Variants in TMEM273 observed in about 807,000 individuals in gnomAD.
TMEM273 encodes chromosome 10 open reading frame 128.
In TMEM273, 19 loss-of-function variants were observed where a neutral mutation model predicts 17.9. The observed-to-expected ratio is 1.06, with a 90% CI of 0.74 to 1.55. The LOEUF (loss-of-function observed/expected upper bound fraction) is 1.55. TMEM273 is among the 40% of genes most tolerant of loss of function. The probability of loss-of-function intolerance (pLI) is 0.00; values close to 1 mark genes in which losing one functional copy is unlikely to be tolerated. For missense variants in TMEM273, 194 were observed against 155.6 expected (o/e 1.25, Z -1.31); for synonymous variants, 66 against 62.0 (o/e 1.07, Z -0.31).
intron 1 of TMEM273, among the ~76,000 whole-genome samples, chr10:49,184,818 C>T (rs1218613744): frequency 6.6e-6 from 1 of 152,156 alleles, no homozygotes; most frequent in Non-Finnish European, 1.5e-5. Flanking sequence ...GAAGCCTCAG[C>T]CATCAGGCTG....
intron 1 of TMEM273, among the ~76,000 whole-genome samples, chr10:49,186,068 G>GAAGAA (rs1554850042): frequency 2.8e-3 from 187 of 67,172 alleles, no homozygotes; most frequent in African/African-American, 8.5e-3. Flanking sequence ...AAGAAGAAGA[G>GAAGAA]GAAGAAGAAG....
chr10:49,163,304 T>TGAGAGA lies in TMEM273; in HGVS notation c.349-1683_349-1682insTCTCTC, dbSNP rs528200016. On this transcript the variant is annotated intron_variant, in intron 5 of 6. Transcript: ENST00000374153. ...GAATATGTGCATGTGTGTGTGTGTG[T>TGAGAGA]GTGAGAGAGAGAGAGAGAGAGAGAG... 6.9e-3 allele frequency among the ~76,000 whole-genome samples: 1,035 copies of TGAGAGA among 150,236 alleles called. 13 individuals are homozygous for TGAGAGA. The highest frequency in any genetic ancestry group is 0.024 in the African/African-American group (972 of 40,566).
At chr10:49,159,246 G>A (rs755793147) in intron 6 of TMEM273, among the ~76,000 whole-genome samples, 10 of 152,090 alleles carry the variant, frequency 6.6e-5, no homozygotes, top group Non-Finnish European at 1.3e-4. Context: ...TAAAACAAGT[G>A]TTTCTGACTC....
At chr10:49,178,994 C>T (rs1847174976) in intron 1 of TMEM273, among the ~76,000 whole-genome samples, 2 of 152,194 alleles carry the variant, frequency 1.3e-5, no homozygotes, top group African/African-American at 4.8e-5. Flanking sequence ...GATAACATGG[C>T]CAAAGAGTTT....
chr10:49,161,390 T>G (rs1434540839), intron 6 of TMEM273: 9 of 626,510 alleles, frequency 1.4e-5, no homozygotes, highest in Non-Finnish European at 2.0e-5. Context: ...CACAGCTTCA[T>G]GTTAAATCTT....
At position 49,172,882 on chromosome 10, in the gene TMEM273, C is replaced by T. The variant is rs114694638; in HGVS notation, c.44-4920G>A. 3.4e-3 allele frequency among the ~76,000 whole-genome samples: 515 copies of T among 152,346 alleles called. 7 individuals carry two copies. The highest frequency in any genetic ancestry group is 0.012 in the African/African-American group (495 of 41,576). ...GCCAAGCACACCAGGAGGCACTCCA[C>T]GTGACTCCCACAGGGCTGGCTCCTG... On this transcript the variant is annotated intron_variant, in intron 1 of 6. Transcript: ENST00000374153.
At chr10:49,165,488 G>T in intron 4 of TMEM273, 2 of 1,442,780 alleles carry the variant, frequency 1.4e-6, no homozygotes, top group Non-Finnish European at 1.8e-6. Context: ...ATGCACTGAA[G>T]GGGTCTGAGT....
chr10:49,173,354 G>A (rs901972833), intron 1 of TMEM273, among the ~76,000 whole-genome samples: 1 of 152,226 alleles, frequency 6.6e-6, no homozygotes, highest in East Asian at 1.9e-4. Flanking sequence ...GGAGATAGGA[G>A]CAGAGAAGGC....
At chr10:49,185,389 G>T (rs1465100252) in intron 1 of TMEM273, among the ~76,000 whole-genome samples, 1 of 151,984 alleles carries the variant, frequency 6.6e-6, no homozygotes, top group Admixed American at 6.5e-5. Flanking sequence ...GACAGAGAGT[G>T]CCCCCATAGC....
rs544155134 is a variant in TMEM273 at position 49,185,770 on chromosome 10, G to A, written c.43+2524C>T. ...GAGGTGGGCGGAACACCTGAGGTCA[G>A]GAGTTCAAGACCAGCTTGGCCAACA... is the stretch of plus-strand genomic sequence containing the variant. On this transcript the variant is annotated intron_variant, in intron 1 of 6. Transcript: ENST00000374153. Among the ~76,000 whole-genome samples, 10 of 152,146 alleles carry A rather than the reference G, an allele frequency of 6.6e-5. No individual in the cohort carries two copies. The East Asian group carries it at 1.7e-3, about 27-fold the overall frequency.
intron 1 of TMEM273, 60 bp downstream of exon 1, chr10:49,188,234 C>T (rs1847841849): frequency 1.9e-6 from 3 of 1,590,310 alleles, no homozygotes; most frequent in Admixed American, 3.3e-5. Context: ...GCTAAGGCTC[C>T]CCCAGTTTCC....
intron 1 of TMEM273, among the ~76,000 whole-genome samples, chr10:49,186,068 G>GGAAGAGGAAGAAGAAGAAGAAGAAGAA (rs1847668268): frequency 1.5e-5 from 1 of 67,088 alleles, no homozygotes; most frequent in African/African-American, 5.1e-5. Flanking sequence ...AAGAAGAAGA[G>GGAAGAGGAAGAAGAAGAAGAAGAAGAA]GAAGAAGAAG....
intron 1 of TMEM273, among the ~76,000 whole-genome samples, chr10:49,176,259 G>A (rs1846959185): frequency 6.6e-6 from 1 of 152,234 alleles, no homozygotes; most frequent in African/African-American, 2.4e-5. Context: ...GAAATGGGGA[G>A]CCAAGCACAC....
At chr10:49,161,004 A>T (rs1002540026) in intron 6 of TMEM273, 1 of 153,780 alleles carries the variant, frequency 6.5e-6, no homozygotes, top group African/African-American at 2.4e-5. Context: ...GCATGAGGTG[A>T]GGAAAAGCCA....
chr10:49,171,203 C>T (rs1203071856), intron 1 of TMEM273, among the ~76,000 whole-genome samples: 1 of 152,222 alleles, frequency 6.6e-6, no homozygotes, highest in Non-Finnish European at 1.5e-5. Context: ...TTTGCTGAGG[C>T]CATAATAGGC....
intron 6 of TMEM273, among the ~76,000 whole-genome samples, chr10:49,157,750 T>G (rs1845600309): frequency 6.6e-6 from 1 of 152,246 alleles, no homozygotes; most frequent in African/African-American, 2.4e-5. Flanking sequence ...TGGACACCAC[T>G]AGTGGATTTC....
At chr10:49,165,684 G>A in intron 4 of TMEM273, 82 bp downstream of exon 4, 12 of 1,573,986 alleles carry the variant, frequency 7.6e-6, no homozygotes, top group Non-Finnish European at 7.0e-6. Context: ...GAGAAGGCTG[G>A]GGATGACAGG....
chr10:49,186,117 G>GAAC (rs1182826338), intron 1 of TMEM273, among the ~76,000 whole-genome samples: 1 of 143,608 alleles, frequency 7.0e-6, no homozygotes, highest in Non-Finnish European at 1.5e-5. Flanking sequence ...AGAGGAAGAA[G>GAAC]AAGAAAAAGA....
chr10:49,165,075 T>C, intron 5 of TMEM273, 130 bp downstream of exon 5: 1 of 1,332,966 alleles, frequency 7.5e-7, no homozygotes, highest in Non-Finnish European at 9.9e-7. Context: ...GCTTACATTT[T>C]AGAAAAAAAC....
Sources: gnomAD v4.1 joint callset for allele counts (sites outside exome capture counted in the v4.1 genomes callset) on GRCh38, gnomAD v4.1.1 for gene constraint, MANE v1.5 for transcripts, NCBI Gene and HGNC (gene_info 2026-07-23, HGNC 2026-07-21) for gene names.